AMBRA1: variants seen among roughly 807,000 people sequenced by gnomAD.
AMBRA1 encodes autophagy and beclin 1 regulator 1.
In AMBRA1, 47 loss-of-function variants were observed where a neutral mutation model predicts 125.4. The ratio of observed to expected loss-of-function variants is 0.37; its 90% CI spans 0.30 to 0.48. The LOEUF (loss-of-function observed/expected upper bound fraction) is 0.48. Among genes scored for constraint, AMBRA1 ranks in the 20% least tolerant of loss-of-function variants. The probability of loss-of-function intolerance (pLI) is 0.99; values close to 1 mark genes in which losing one functional copy is unlikely to be tolerated. For synonymous variants in AMBRA1, 626 were observed against 655.5 expected (o/e 0.95, Z 0.69); for missense variants, 1,331 against 1,693.4 (o/e 0.79, Z 3.76).
chr11:46,411,457 C>A (rs1946294631), intron 15 of AMBRA1, among the ~76,000 whole-genome samples: 1 of 152,202 alleles, frequency 6.6e-6, no homozygotes, highest in African/African-American at 2.4e-5. Context: ...CAAAACCAGG[C>A]ACTGAGCCTC....
chr11:46,417,878 G>C (rs1019316188), intron 15 of AMBRA1, 35 bp downstream of exon 15: 2 of 1,568,758 alleles, frequency 1.3e-6, no homozygotes, highest in African/African-American at 1.4e-5. Context: ...CTCGGCCCCA[G>C]TGATCCCTCA....
At chr11:46,505,327 AC>A (rs2135023832) in intron 9 of AMBRA1, among the ~76,000 whole-genome samples, 1 of 152,354 alleles carries the variant, frequency 6.6e-6, no homozygotes, top group East Asian at 1.9e-4. Context: ...GACAGGAGCA[AC>A]CACAAGCAGC....
intron 7 of AMBRA1, among the ~76,000 whole-genome samples, chr11:46,540,361 C>T (rs1952679810): frequency 6.6e-6 from 1 of 152,142 alleles, no homozygotes; most frequent in African/African-American, 2.4e-5. Flanking sequence ...ACATGTCATG[C>T]CCTGTGTTGA....
chr11:46,512,366 T>C (rs1951291871), intron 8 of AMBRA1, among the ~76,000 whole-genome samples: 3 of 152,232 alleles, frequency 2.0e-5, no homozygotes, highest in Admixed American at 2.0e-4. Context: ...ATAATTTCCC[T>C]ATAAATTAAA....
chr11:46,478,220 T>C (rs1158061038), intron 11 of AMBRA1, among the ~76,000 whole-genome samples: 1 of 152,208 alleles, frequency 6.6e-6, no homozygotes, highest in African/African-American at 2.4e-5. Flanking sequence ...GAAAGCATAA[T>C]ATGCCACAGT....
intron 12 of AMBRA1, 107 bp from the exon 13 acceptor site, chr11:46,435,144 C>A: frequency 1.0e-6 from 1 of 980,266 alleles, no homozygotes; most frequent in Admixed American, 3.1e-5. Flanking sequence ...TGAACCTTGT[C>A]TAGAAATGCT....
chr11:46,397,345 C>A lies in AMBRA1; in HGVS notation c.*105G>T. On this transcript the variant is annotated 3_prime_UTR_variant, in exon 18 of 18. Transcript: ENST00000683756. The stretch of plus-strand genomic sequence containing the variant: ...CCCTGACCCTCTTCCTCCTCCTGTT[C>A]CCTGATGCAGCCAGCAGCTCTTCCA... 7.2e-6 allele frequency: 10 copies of A among 1,381,882 alleles called. No individual in the cohort carries two copies. Among genetic ancestry groups the A allele is most frequent in the Non-Finnish European group, 9.4e-6 (10 of 1,063,076 alleles). 85.6% of individuals were successfully genotyped at this position (1,381,882 alleles called of 1,614,324 possible). A position where few individuals can be genotyped will look rare whatever the true frequency, so the allele number is the denominator to read the frequency against.
At chr11:46,501,720 T>G (rs1472261146) in intron 9 of AMBRA1, among the ~76,000 whole-genome samples, 3 of 152,246 alleles carry the variant, frequency 2.0e-5, no homozygotes. Context: ...AATTATATTT[T>G]TATTAATCTT....
chr11:46,527,667 T>C (rs1001489582), intron 7 of AMBRA1, among the ~76,000 whole-genome samples: 1 of 151,870 alleles, frequency 6.6e-6, no homozygotes, highest in Admixed American at 6.6e-5. Context: ...TCTCTAATAA[T>C]GATATACAAA....
chr11:46,446,960 A>G (rs1380711515), intron 11 of AMBRA1, among the ~76,000 whole-genome samples: 2 of 152,214 alleles, frequency 1.3e-5, no homozygotes, highest in Non-Finnish European at 2.9e-5. Flanking sequence ...AGGTTTCAGA[A>G]TCAACTGGAC....
chr11:46,432,975 TAGACAGGACC>T (rs1276858192), intron 14 of AMBRA1, among the ~76,000 whole-genome samples: 3 of 152,214 alleles, frequency 2.0e-5, no homozygotes, highest in African/African-American at 4.8e-5. Flanking sequence ...GACAGGGTCC[TAGACAGGACC>T]TTTTCTCCAC....
chr11:46,497,880 T>C (rs1223110784), intron 9 of AMBRA1, among the ~76,000 whole-genome samples: 1 of 151,938 alleles, frequency 6.6e-6, no homozygotes, highest in African/African-American at 2.4e-5. Context: ...TCAGAGATAA[T>C]GGGTTGGGGT....
chr11:46,470,858 C>T (rs1949559042), intron 11 of AMBRA1, among the ~76,000 whole-genome samples: 1 of 152,078 alleles, frequency 6.6e-6, no homozygotes, highest in African/African-American at 2.4e-5. Context: ...TACTACATGC[C>T]AGACAATGAA....
intron 11 of AMBRA1, among the ~76,000 whole-genome samples, chr11:46,465,527 G>A (rs370857114): frequency 1.3e-5 from 2 of 152,240 alleles, no homozygotes; most frequent in East Asian, 3.9e-4. Context: ...AAAAACTAGT[G>A]ACCTAAATAT....
intron 11 of AMBRA1, among the ~76,000 whole-genome samples, chr11:46,485,823 A>C (rs1284969065): frequency 6.6e-6 from 1 of 152,234 alleles, no homozygotes; most frequent in Non-Finnish European, 1.5e-5. Flanking sequence ...AAGCCTGAAG[A>C]AGCACAGGCA....
chr11:46,408,490 C>A, intron 17 of AMBRA1, 23 bp downstream of exon 17: 1 of 1,504,360 alleles, frequency 6.6e-7, no homozygotes, highest in Non-Finnish European at 8.9e-7. Context: ...CTCCCACCCC[C>A]TCCAGCGCCA....
chr11:46,559,224 C>T (rs1226921094), intron 1 of AMBRA1, among the ~76,000 whole-genome samples: 1 of 151,668 alleles, frequency 6.6e-6, no homozygotes, highest in African/African-American at 2.4e-5. Context: ...TGCTTGAACT[C>T]GGGAGGCAGA....
intron 11 of AMBRA1, among the ~76,000 whole-genome samples, chr11:46,448,498 T>C (rs1227143386): frequency 1.3e-5 from 2 of 152,162 alleles, no homozygotes; most frequent in African/African-American, 4.8e-5. Context: ...ATTGAATGCA[T>C]GTATAAGAAA....
At chr11:46,565,728 G>A (rs1054081510) in intron 1 of AMBRA1, among the ~76,000 whole-genome samples, 6 of 152,030 alleles carry the variant, frequency 3.9e-5, no homozygotes, top group African/African-American at 1.4e-4. Context: ...GTATAAAAAT[G>A]TTAACAGCAG....
Sources: allele counts gnomAD v4.1 joint callset (sites outside exome capture counted in the v4.1 genomes callset), GRCh38; gene constraint gnomAD v4.1.1; transcripts MANE v1.5; gene names NCBI Gene and HGNC (gene_info 2026-07-23, HGNC 2026-07-21).